Variants in TBC1D16 observed in about 807,000 individuals in gnomAD.
The protein encoded by TBC1D16 is TBC1 domain family member 16, also known as CTD-2529O21.1.
Under a neutral mutation model 74.7 loss-of-function variants are expected in TBC1D16, and 58 were observed. The observed-to-expected ratio is 0.78, with a 90% CI of 0.63 to 0.97. TBC1D16 has a LOEUF of 0.97. Among genes scored for constraint, TBC1D16 ranks in the 50% least tolerant of loss-of-function variants. The pLI is 0.00. For missense variants in TBC1D16, 1,014 were observed against 1,079.5 expected (o/e 0.94, Z 0.85); for synonymous variants, 493 against 474.7 (o/e 1.04, Z -0.50).
At chr17:80,004,964 G>T (rs759403468) in intron 3 of TBC1D16, among the ~76,000 whole-genome samples, 1 of 152,232 alleles carries the variant, frequency 6.6e-6, no homozygotes, top group Non-Finnish European at 1.5e-5. Context: ...CTTAAGCCAC[G>T]TGCCGGCCAC....
Position 79,986,007 on chromosome 17 carries a change from C to T in TBC1D16, c.779+24153G>A, listed in dbSNP as rs377729359. 1.3e-5 allele frequency among the ~76,000 whole-genome samples: 2 copies of T among 152,266 alleles called. No homozygotes were observed. The highest frequency in any genetic ancestry group is 6.5e-5 in the Admixed American group (1 of 15,286). ...CTTCTGCCAGGCGGCATAAGGGGCG[C>T]GGCCCTCCGCTCTTCAGAACGGCTG... On this transcript the variant is annotated intron_variant, in intron 3 of 11. Transcript: ENST00000310924. This position sits in a 1 kb window ranked among gnomAD's most constrained non-coding sequence, Gnocchi z 6.0.
At chr17:80,024,497 C>T (rs1389804065) in intron 1 of TBC1D16, among the ~76,000 whole-genome samples, 1 of 149,930 alleles carries the variant, frequency 6.7e-6, no homozygotes, top group Admixed American at 6.6e-5. Flanking sequence ...ACACACACCA[C>T]ACGCACCATA....
Position 79,941,726 on chromosome 17 carries a change from A to G in TBC1D16, c.2055+334T>C, listed in dbSNP as rs1473935204. 6.6e-6 allele frequency among the ~76,000 whole-genome samples: 1 copy of G among 152,172 alleles called. No individual in the cohort carries two copies. Among genetic ancestry groups the G allele is most frequent in the Admixed American group, 6.5e-5 (1 of 15,282 alleles). ...TCAGTGTTCCCAGTTCTGGGTTGTA[A>G]GCGAGGTACCCCAGGGTAGGGAACC... On this transcript the variant is annotated intron_variant, in intron 11 of 11. Transcript: ENST00000310924. This position sits in a 1 kb window ranked among gnomAD's most constrained non-coding sequence, Gnocchi z 4.3.
At chr17:79,973,996 A>G (rs2034225815) in intron 3 of TBC1D16, among the ~76,000 whole-genome samples, 1 of 151,182 alleles carries the variant, frequency 6.6e-6, no homozygotes, top group African/African-American at 2.4e-5. Flanking sequence ...CGCTAAAAGG[A>G]AGCGCTTTAT....
intron 1 of TBC1D16, among the ~76,000 whole-genome samples, chr17:80,015,295 G>A (rs2036047958): frequency 6.6e-6 from 1 of 152,142 alleles, no homozygotes; most frequent in African/African-American, 2.4e-5. Context: ...TTAGCCGGGT[G>A]TGGTGGCACG....
intron 3 of TBC1D16, among the ~76,000 whole-genome samples, chr17:80,005,054 T>C (rs75528603): frequency 2.8e-4 from 42 of 152,066 alleles, no homozygotes; most frequent in African/African-American, 9.6e-4. Context: ...GAGCAGAATC[T>C]GGTGTTTTTG....
rs35014686 is a variant in TBC1D16 at position 79,973,995 on chromosome 17, GA to G, written c.780-21178del. ...AGAACTTCCGCCTTCTCGCTAAAAG[GA>G]AGCGCTTTATGGCTTCTCTTTGGCA... On this transcript the variant is annotated intron_variant, in intron 3 of 11. Transcript: ENST00000310924. 3.3e-3 allele frequency among the ~76,000 whole-genome samples: 503 copies of G among 152,286 alleles called. 5 individuals are homozygous for G. The highest frequency in any genetic ancestry group is 6.8e-3 in the Middle Eastern group (2 of 294).
At chr17:79,982,151 C>CT (rs796076585) in intron 3 of TBC1D16, among the ~76,000 whole-genome samples, 1,851 of 137,098 alleles carry the variant, frequency 0.014, 53 homozygotes, top group African/African-American at 0.042. Flanking sequence ...GTTTTTTTTT[C>CT]TTTTTTTTTT....
At position 79,981,841 on chromosome 17, in the gene TBC1D16, C is replaced by A. The variant is rs946649248; in HGVS notation, c.779+28319G>T. 2.6e-5 allele frequency among the ~76,000 whole-genome samples: 4 copies of A among 152,254 alleles called. No individual in the cohort carries two copies. The highest frequency in any genetic ancestry group is 7.2e-5 in the African/African-American group (3 of 41,472). On this transcript the variant is annotated intron_variant, in intron 3 of 11. Transcript: ENST00000310924. This position sits in a 1 kb window ranked among gnomAD's most constrained non-coding sequence, Gnocchi z 6.9. ...CCTGCAGCAGCAGCCTCGGCCCAAC[C>A]TCAATCCCACTCCTCCAAGGGCGCG...
At position 80,008,357 on chromosome 17, in the gene TBC1D16, A is replaced by C. The variant is rs145908730; in HGVS notation, c.779+1803T>G. Among the ~76,000 whole-genome samples, 1,650 of 152,176 alleles carry C rather than the reference A, an allele frequency of 0.011. 15 individuals carry two copies. The highest frequency in any genetic ancestry group is 0.037 in the Middle Eastern group (11 of 294). ...GGACTCAACCGGCACTCAACTCCCT[A>C]ACTCCTAAACTTGAGCTCCCTACGA... On this transcript the variant is annotated intron_variant, in intron 3 of 11. Transcript: ENST00000310924. The surrounding 1 kb of genome is among the most constrained non-coding windows in gnomAD (Gnocchi z 4.5).
intron 3 of TBC1D16, among the ~76,000 whole-genome samples, chr17:79,977,615 G>A (rs546572175): frequency 2.0e-5 from 3 of 152,354 alleles, no homozygotes; most frequent in South Asian, 4.1e-4. Flanking sequence ...TGGACGCTAC[G>A]ATCTCTAGGA....
chr17:79,937,888 G>GCA lies in TBC1D16; in HGVS notation c.*2969_*2970dup, dbSNP rs57908773. ...TGAGCAACATCGGGCGACGCTGTCA[G>GCA]CAGACATTAGCAGCAGAGCTGCACC... On this transcript the variant is annotated 3_prime_UTR_variant, in exon 12 of 12. Transcript: ENST00000310924. The GCA allele has an allele frequency of 0.11, 16,758 of 152,304 alleles. 1,106 individuals are homozygous for GCA. The highest frequency in any genetic ancestry group is 0.15 in the Non-Finnish European group (10,393 of 68,028). 9.4% of individuals were successfully genotyped at this position (152,304 alleles called of 1,614,324 possible).
At chr17:79,998,934 T>G (rs962863120) in intron 3 of TBC1D16, among the ~76,000 whole-genome samples, 1 of 152,156 alleles carries the variant, frequency 6.6e-6, no homozygotes, top group African/African-American at 2.4e-5. Context: ...GAAAATTATA[T>G]GAAATTCCAC....
intron 1 of TBC1D16, among the ~76,000 whole-genome samples, chr17:80,033,588 G>T (rs1414238653): frequency 6.6e-6 from 1 of 152,144 alleles, no homozygotes; most frequent in African/African-American, 2.4e-5. Context: ...GCCTAAGGTG[G>T]TCTTGAACTT....
chr17:79,976,608 C>T (rs1465915632), intron 3 of TBC1D16, among the ~76,000 whole-genome samples: 3 of 152,132 alleles, frequency 2.0e-5, no homozygotes, highest in Non-Finnish European at 4.4e-5. Context: ...GGTGAATGTC[C>T]AGAGATCCAA....
chr17:79,969,032 A>G (rs956789762), intron 3 of TBC1D16, among the ~76,000 whole-genome samples: 6 of 152,184 alleles, frequency 3.9e-5, no homozygotes, highest in Non-Finnish European at 5.9e-5. Context: ...CATATCTCCA[A>G]TGAAGATATA....
chr17:79,969,020 G>C (rs2033963091), intron 3 of TBC1D16, among the ~76,000 whole-genome samples: 1 of 152,046 alleles, frequency 6.6e-6, no homozygotes, highest in Non-Finnish European at 1.5e-5. Context: ...AATTTAAATA[G>C]ACATATCTCC....
At chr17:79,978,105 G>A (rs1357895997) in intron 3 of TBC1D16, among the ~76,000 whole-genome samples, 1 of 152,194 alleles carries the variant, frequency 6.6e-6, no homozygotes, top group Non-Finnish European at 1.5e-5. Flanking sequence ...GGTCACGGTC[G>A]AGCTCGGGAG....
At chr17:80,028,124 T>C (rs1292588640) in intron 1 of TBC1D16, among the ~76,000 whole-genome samples, 1 of 151,966 alleles carries the variant, frequency 6.6e-6, no homozygotes, top group African/African-American at 2.4e-5. Flanking sequence ...GCCTTGTTTT[T>C]GTTGATGGAA....
Sources: gnomAD v4.1 joint callset for allele counts (sites outside exome capture counted in the v4.1 genomes callset) on GRCh38, gnomAD v4.1.1 for gene constraint, Gnocchi (gnomAD v3.1) non-coding constraint, MANE v1.5 for transcripts, NCBI Gene and HGNC (gene_info 2026-07-23, HGNC 2026-07-21) for gene names.